The following THRB variants were observed in gnomAD, a reference collection of about 807,000 sequenced individuals.
THRB encodes the protein nuclear receptor subfamily 1 group A member 2.
THRB carries 12 observed loss-of-function variants against 47.8 expected under a neutral mutation model. The observed-to-expected ratio is 0.25, with a 90% CI of 0.16 to 0.41. The LOEUF (loss-of-function observed/expected upper bound fraction) is 0.41, where lower values mean the gene tolerates loss of function less well. THRB is among the 10% of genes least tolerant of loss of function. The pLI is 1.00. For synonymous variants in THRB, 218 were observed against 212.2 expected, an observed-to-expected ratio of 1.03 and a Z score of -0.24; for missense variants, 348 against 589.2, an observed-to-expected ratio of 0.59 and a Z score of 4.24.
intron 7 of THRB, 70 bp downstream of exon 7, chr3:24,146,605 C>G (rs894440034): frequency 1.3e-6 from 2 of 1,543,204 alleles, no homozygotes; most frequent in Non-Finnish European, 8.9e-7. Flanking sequence ...TCTGCCCAGT[C>G]GATCTCCTTG....
chr3:24,135,286 G>A (rs1304332334), intron 8 of THRB, among the ~76,000 whole-genome samples: 1 of 152,190 alleles, frequency 6.6e-6, no homozygotes, highest in Non-Finnish European at 1.5e-5. Flanking sequence ...GGGTCAACAG[G>A]AGCAGCCCAG....
chr3:24,450,258 G>A (rs2072515572), intron 1 of THRB, among the ~76,000 whole-genome samples: 1 of 152,114 alleles, frequency 6.6e-6, no homozygotes, highest in Admixed American at 6.5e-5. Flanking sequence ...TTATTCTTGG[G>A]AAATAAGGAC....
rs757090292 is a variant in THRB, at chr3:24,190,050, A to G, written c.283+24T>C. ...TTTTTTCTTGTTGAAACACATGATA[A>G]TGGGCTAATAAAAATCTGGTTACCT... On this transcript the variant is annotated intron_variant, in intron 5 of 10. Transcript: ENST00000646209. 6.2e-6 allele frequency: 10 copies of G among 1,612,590 alleles called. No individual in the cohort carries two copies. In the African/African-American group the frequency reaches 9.3e-5, roughly 15 times the overall value.
chr3:24,303,274 T>C (rs540732985), intron 2 of THRB, among the ~76,000 whole-genome samples: 1 of 152,328 alleles, frequency 6.6e-6, no homozygotes, highest in South Asian at 2.1e-4. Context: ...TGCCCTCATA[T>C]TTTGAGTCTA....
intron 3 of THRB, among the ~76,000 whole-genome samples, chr3:24,247,124 A>C (rs1401151282): frequency 6.6e-6 from 1 of 152,242 alleles, no homozygotes; most frequent in South Asian, 2.1e-4. Flanking sequence ...AATCTACAAC[A>C]AATGTAAAGA....
rs144748405 is a variant in THRB, at chr3:24,396,152, C to CAT, written c.-260-58783_-260-58782dup. Among the ~76,000 whole-genome samples the CAT allele has an allele frequency of 1.6e-3, 235 of 149,454 alleles. 2 individuals carry two copies. Among genetic ancestry groups the CAT allele is most frequent in the African/African-American group, 3.5e-3 (143 of 40,842 alleles). ...GTATGTGAATTGTATCTCCACAAGG[C>CAT]ATATATATATATATAGGCATATATA... is the stretch of plus-strand genomic sequence containing the variant. On this transcript the variant is annotated intron_variant, in intron 1 of 10. Coordinates refer to ENST00000646209, the MANE Select transcript of THRB (RefSeq NM_001354712.2).
chr3:24,317,137 T>C (rs2058171345), intron 2 of THRB, among the ~76,000 whole-genome samples: 1 of 152,164 alleles, frequency 6.6e-6, no homozygotes, highest in African/African-American at 2.4e-5. Flanking sequence ...ATTTTATAAG[T>C]AAAAAGAAGC....
At chr3:24,403,486 C>T (rs1223490738) in intron 1 of THRB, among the ~76,000 whole-genome samples, 1 of 151,200 alleles carries the variant, frequency 6.6e-6, no homozygotes, top group Non-Finnish European at 1.5e-5. Context: ...ATCTGTGAGG[C>T]CAAAATTATT....
chr3:24,230,841 G>C (rs1292417569), intron 3 of THRB, among the ~76,000 whole-genome samples: 1 of 152,172 alleles, frequency 6.6e-6, no homozygotes, highest in African/African-American at 2.4e-5. Flanking sequence ...GAAAGGGAGG[G>C]ATTGAGGGAG....
At position 24,118,029 on chromosome 3, in the gene THRB, T is replaced by A. The variant is rs2030969716; in HGVS notation, c.*4855A>T. ...AACCCCCCATCAGCATTTTACTTAG[T>A]TTCTTCTCTCCCTCCATAGTTTCTT... On this transcript the variant is annotated 3_prime_UTR_variant, in exon 11 of 11. Transcript: ENST00000646209. The A allele has an allele frequency of 6.6e-6, 1 of 152,204 alleles. No homozygotes were observed. The highest frequency in any genetic ancestry group is 2.1e-4 in the South Asian group (1 of 4,828). 9.4% of individuals were successfully genotyped at this position (152,204 alleles called of 1,614,324 possible). A position where few individuals can be genotyped will look rare whatever the true frequency, so the allele number is the denominator to read the frequency against.
At chr3:24,206,373 A>G (rs1416103005) in intron 4 of THRB, among the ~76,000 whole-genome samples, 1 of 152,240 alleles carries the variant, frequency 6.6e-6, no homozygotes, top group East Asian at 1.9e-4. Flanking sequence ...AACTACATGG[A>G]AACTGAACAA....
chr3:24,454,039 TATAAAACGAA>T (rs1043738515), intron 1 of THRB, among the ~76,000 whole-genome samples: 2 of 152,104 alleles, frequency 1.3e-5, no homozygotes, highest in Non-Finnish European at 2.9e-5. Flanking sequence ...CAGGAGGAAA[TATAAAACGAA>T]ATAAAAATTT....
chr3:24,187,036 T>TA (rs1358495317), intron 5 of THRB, among the ~76,000 whole-genome samples: 1 of 151,524 alleles, frequency 6.6e-6, no homozygotes, highest in Non-Finnish European at 1.5e-5. Context: ...AAACAATATT[T>TA]AGAGTACTAT....
intron 1 of THRB, among the ~76,000 whole-genome samples, chr3:24,426,785 C>T (rs2069812115): frequency 6.6e-6 from 1 of 151,922 alleles, no homozygotes; most frequent in South Asian, 2.1e-4. Context: ...AATCTCTCAG[C>T]ATTTTGGTCA....
intron 4 of THRB, among the ~76,000 whole-genome samples, chr3:24,213,182 T>G (rs988622798): frequency 6.6e-6 from 1 of 152,226 alleles, no homozygotes; most frequent in Non-Finnish European, 1.5e-5. Flanking sequence ...ATCACTGGAC[T>G]GGGCCAAGCT....
intron 4 of THRB, among the ~76,000 whole-genome samples, chr3:24,202,461 A>T (rs2044706506): frequency 6.6e-6 from 1 of 152,114 alleles, no homozygotes; most frequent in African/African-American, 2.4e-5. Context: ...TGTTTCCCAT[A>T]CTGGTTGCTG....
At chr3:24,314,647 A>C (rs181235303) in intron 2 of THRB, among the ~76,000 whole-genome samples, 1 of 152,290 alleles carries the variant, frequency 6.6e-6, no homozygotes, top group Admixed American at 6.5e-5. Flanking sequence ...CTCATGCTTA[A>C]AAATAGCTGT....
At chr3:24,386,972 T>G (rs2066171662) in intron 1 of THRB, among the ~76,000 whole-genome samples, 1 of 152,108 alleles carries the variant, frequency 6.6e-6, no homozygotes, top group African/African-American at 2.4e-5. Context: ...TTATGGACCT[T>G]CAAGTCATCA....
intron 6 of THRB, among the ~76,000 whole-genome samples, chr3:24,150,372 C>T (rs1366483600): frequency 6.6e-6 from 1 of 152,122 alleles, no homozygotes; most frequent in African/African-American, 2.4e-5. Context: ...GATGCTTTGT[C>T]ATTATATTAA....
Sources: allele counts gnomAD v4.1 joint callset (sites outside exome capture counted in the v4.1 genomes callset), GRCh38; gene constraint gnomAD v4.1.1; transcripts MANE v1.5; gene names NCBI Gene and HGNC (gene_info 2026-07-23, HGNC 2026-07-21).